CNTN6: variants seen among roughly 807,000 people sequenced by gnomAD.
The protein encoded by CNTN6 is contactin 6.
A neutral mutation model predicts 122.8 loss-of-function variants in CNTN6; 137 were observed. The ratio of observed to expected loss-of-function variants is 1.12; its 90% CI spans 0.97 to 1.29. The LOEUF is 1.29. Ranked by LOEUF, CNTN6 falls within the 50% of genes most tolerant of loss-of-function variation. The pLI, the probability that CNTN6 is intolerant of heterozygous loss-of-function variation, is 0.00. For missense variants in CNTN6, 1,634 were observed against 1,223.4 expected, an observed-to-expected ratio of 1.34 and a Z score of -5.01; for synonymous variants, 570 against 426.0, an observed-to-expected ratio of 1.34 and a Z score of -4.16.
At chr3:1,245,227 T>TATATAAC (rs1559595557) in intron 4 of CNTN6, among the ~76,000 whole-genome samples, 21 of 12,528 alleles carry the variant, frequency 1.7e-3, no homozygotes, top group South Asian at 2.7e-3. Flanking sequence ...TATATATATA[T>TATATAAC]ATATATATAC....
chr3:1,220,621 A>T, intron 2 of CNTN6, 66 bp from the exon 3 acceptor site: 2 of 1,344,658 alleles, frequency 1.5e-6, no homozygotes, highest in Non-Finnish European at 2.0e-6. Context: ...ATTGATATTT[A>T]ATATAGACTT....
chr3:1,137,274 C>G (rs916054966), intron 1 of CNTN6, among the ~76,000 whole-genome samples: 3 of 152,224 alleles, frequency 2.0e-5, no homozygotes, highest in Non-Finnish European at 4.4e-5. Context: ...GGGCCAGTCA[C>G]TCCGGATATT....
intron 1 of CNTN6, among the ~76,000 whole-genome samples, chr3:1,095,112 T>G (rs970186153): frequency 2.0e-5 from 3 of 151,746 alleles, no homozygotes; most frequent in African/African-American, 7.3e-5. Flanking sequence ...TAATAAATAT[T>G]TAGATAATAT....
intron 12 of CNTN6, among the ~76,000 whole-genome samples, chr3:1,367,529 C>T (rs1708408797): frequency 6.6e-6 from 1 of 151,608 alleles, no homozygotes; most frequent in Non-Finnish European, 1.5e-5. Context: ...GTGTTTTGTA[C>T]ATACTAAACA....
intron 5 of CNTN6, among the ~76,000 whole-genome samples, chr3:1,289,733 G>A (rs576915283): frequency 6.6e-6 from 1 of 150,978 alleles, no homozygotes; most frequent in Non-Finnish European, 1.5e-5. Flanking sequence ...GGAGGGCAGG[G>A]GCGCGATCTC....
intron 12 of CNTN6, among the ~76,000 whole-genome samples, chr3:1,362,017 A>G (rs1172208888): frequency 6.6e-6 from 1 of 152,170 alleles, no homozygotes; most frequent in Admixed American, 6.6e-5. Flanking sequence ...AGAATAAACC[A>G]AATAGAATGA....
intron 2 of CNTN6, among the ~76,000 whole-genome samples, chr3:1,161,438 T>C (rs996023395): frequency 6.6e-6 from 1 of 150,852 alleles, no homozygotes; most frequent in Non-Finnish European, 1.5e-5. Flanking sequence ...CTTATGGAAT[T>C]TGTAATTAAT....
At position 1,296,167 on chromosome 3, in the gene CNTN6, A is replaced by G. The variant is rs185225870; in HGVS notation, c.658+363A>G. Among the ~76,000 whole-genome samples the G allele has an allele frequency of 3.3e-5, 5 of 152,242 alleles. No homozygotes were observed. The East Asian group carries it at 9.7e-4, about 29-fold the overall frequency. ...CTGAATCAATATATTTTTAATGAAC[A>G]TATGTTGCAGCTACTTTTTAATGGC... On this transcript the variant is annotated intron_variant, in intron 6 of 22. Transcript: ENST00000446702.
In CNTN6 at chr3:1,343,122, T is replaced by C. The variant is rs561312189; in HGVS notation, c.1365-9202T>C. Among the ~76,000 whole-genome samples the C allele has an allele frequency of 3.9e-5, 6 of 152,312 alleles. No individual in the cohort carries two copies. In the South Asian group the frequency reaches 1.2e-3, roughly 32 times the overall value. The stretch of plus-strand genomic sequence containing the variant: ...TAGTAAATATGTTTTCTCTTCCTTA[T>C]GATTTTCTTAGTAACATGATATCTT... On this transcript the variant is annotated intron_variant, in intron 11 of 22. Transcript: ENST00000446702.
intron 1 of CNTN6, among the ~76,000 whole-genome samples, chr3:1,110,635 A>G (rs2091437288): frequency 6.6e-6 from 1 of 152,138 alleles, no homozygotes; most frequent in Non-Finnish European, 1.5e-5. Flanking sequence ...TTCACTTAAT[A>G]TTCAGCAGCC....
chr3:1,280,563 C>G (rs528309476), intron 5 of CNTN6, among the ~76,000 whole-genome samples: 1 of 145,236 alleles, frequency 6.9e-6, no homozygotes, highest in African/African-American at 2.5e-5. Context: ...CTCCTGGGTT[C>G]AAGCGATTCT....
chr3:1,378,568 T>A (rs1361834281), intron 17 of CNTN6, among the ~76,000 whole-genome samples: 3 of 152,112 alleles, frequency 2.0e-5, no homozygotes. Context: ...TGGAAGGTAG[T>A]GTTTTCAGAG....
intron 4 of CNTN6, among the ~76,000 whole-genome samples, chr3:1,249,642 G>A (rs1057261854): frequency 1.1e-4 from 16 of 152,180 alleles, no homozygotes; most frequent in South Asian, 6.2e-4. Flanking sequence ...AGAATTGTGC[G>A]GTTGAGAGAT....
intron 4 of CNTN6, among the ~76,000 whole-genome samples, chr3:1,239,331 CA>C (rs1407481823): frequency 6.6e-6 from 1 of 152,138 alleles, no homozygotes; most frequent in African/African-American, 2.4e-5. Context: ...TTTCCAGATA[CA>C]AAATTAAAGT....
At chr3:1,149,954 A>C (rs17034364) in intron 2 of CNTN6, among the ~76,000 whole-genome samples, 27,287 of 152,132 alleles carry the variant, frequency 0.18, 3,092 homozygotes, top group African/African-American at 0.31. Context: ...TTTTATTTAT[A>C]CAAACTGGAT....
chr3:1,289,744 A>T (rs576477826), intron 5 of CNTN6, among the ~76,000 whole-genome samples: 1 of 146,524 alleles, frequency 6.8e-6, no homozygotes, highest in Admixed American at 7.0e-5. Flanking sequence ...GCGCGATCTC[A>T]GCTCACTGCA....
intron 2 of CNTN6, among the ~76,000 whole-genome samples, chr3:1,157,788 C>A (rs2125224777): frequency 6.6e-6 from 1 of 152,124 alleles, no homozygotes; most frequent in East Asian, 1.9e-4. Context: ...AGCTTAATGA[C>A]CTCCAGTTCC....
chr3:1,303,439 C>T lies in CNTN6; in HGVS notation c.761+5448C>T, dbSNP rs147990794. ...TCTAGCTAGGGTTAGACTGTAATTA[C>T]TGTTGGCTCTAGCTGTGGTATCAGA... is the stretch of plus-strand genomic sequence containing the variant. On this transcript the variant is annotated intron_variant, in intron 7 of 22. Transcript: ENST00000446702. Among the ~76,000 whole-genome samples, 167 of 152,266 alleles carry T rather than the reference C, an allele frequency of 1.1e-3. 1 individual carries two copies. Among genetic ancestry groups the T allele is most frequent in the African/African-American group, 3.6e-3 (151 of 41,556 alleles).
Position 1,325,917 on chromosome 3 carries a change from C to T in CNTN6, c.1049C>T (p.Thr350Ile), listed in dbSNP as rs1310478170. ...KASGKPNPWY[T>I]WLKNGERLNP... The stretch of plus-strand genomic sequence containing the variant: ...AGTGGAAAGCCAAACCCTTGGTATA[C>T]ATGGTTAAAAAATGGTGAACGACTC... Residue 350 changes from threonine to isoleucine, a missense_variant, in exon 9 of 23, where the codon ACA becomes ATA. Transcript: ENST00000446702. 2.5e-6 allele frequency: 4 copies of T among 1,611,444 alleles called. No homozygotes were observed. The highest frequency in any genetic ancestry group is 4.5e-5 in the East Asian group (2 of 44,748).
Sources: allele counts gnomAD v4.1 joint callset (sites outside exome capture counted in the v4.1 genomes callset), GRCh38; gene constraint gnomAD v4.1.1; transcripts MANE v1.5; gene names NCBI Gene and HGNC (gene_info 2026-07-23, HGNC 2026-07-21).